Variants in ABCG1 observed in about 807,000 individuals in gnomAD.
The protein encoded by ABCG1 is ATP binding cassette subfamily G member 1.
In ABCG1, 29 loss-of-function variants were observed where a neutral mutation model predicts 69.2. That is an observed-to-expected ratio of 0.42 (90% CI 0.31 to 0.57). The LOEUF (loss-of-function observed/expected upper bound fraction) is 0.57, where lower values mean the gene tolerates loss of function less well. Among genes scored for constraint, ABCG1 ranks in the 20% least tolerant of loss-of-function variants. The pLI is 0.15. For synonymous variants in ABCG1, 370 were observed against 374.8 expected, an observed-to-expected ratio of 0.99 and a Z score of 0.15; for missense variants, 718 against 898.1, an observed-to-expected ratio of 0.80 and a Z score of 2.56.
intron 4 of ABCG1, among the ~76,000 whole-genome samples, chr21:42,274,190 G>A (rs1026457236): frequency 6.6e-6 from 1 of 152,180 alleles, no homozygotes; most frequent in Non-Finnish European, 1.5e-5. Context: ...ATATTGAAAG[G>A]GAAAATACAG....
chr21:42,248,553 A>T (rs1218702830), intron 2 of ABCG1, among the ~76,000 whole-genome samples: 1 of 152,158 alleles, frequency 6.6e-6, no homozygotes, highest in Admixed American at 6.5e-5. Flanking sequence ...GTTCATAACA[A>T]CAACAAGACT....
At chr21:42,270,321 G>T (rs1197827208) in intron 2 of ABCG1, among the ~76,000 whole-genome samples, 3 of 148,426 alleles carry the variant, frequency 2.0e-5, no homozygotes, top group Non-Finnish European at 4.4e-5. Context: ...GCATCCAGTT[G>T]CTTCTGTTTT....
chr21:42,201,780 G>T, intron 2 of ABCG1: 2 of 1,611,752 alleles, frequency 1.2e-6, no homozygotes, highest in Non-Finnish European at 1.7e-6. Flanking sequence ...TCCAGACTGG[G>T]CTTGTTTCAA....
intron 2 of ABCG1, chr21:42,206,885 T>C (rs544866944): frequency 7.3e-4 from 111 of 152,008 alleles, no homozygotes; most frequent in African/African-American, 2.5e-3. Context: ...TTTTTTTTTT[T>C]TTCTTTCAGG....
At chr21:42,234,917 C>A (rs1294326258) in intron 2 of ABCG1, among the ~76,000 whole-genome samples, 1 of 151,914 alleles carries the variant, frequency 6.6e-6, no homozygotes, top group Non-Finnish European at 1.5e-5. Context: ...TCGCTAGTAA[C>A]CTCCGCGGCG....
chr21:42,294,445 T>G, intron 13 of ABCG1, 97 bp from the exon 14 acceptor site: 1 of 927,224 alleles, frequency 1.1e-6, no homozygotes, highest in Non-Finnish European at 1.8e-6. Flanking sequence ...GAAGGTGCCC[T>G]GGCCCTGCCC....
chr21:42,284,545 C>T lies in ABCG1; in HGVS notation c.735-15C>T. 1.2e-6 allele frequency: 2 copies of T among 1,611,954 alleles called. No homozygotes were observed. The highest frequency in any genetic ancestry group is 1.3e-5 in the African/African-American group (1 of 75,068). On this transcript the variant is annotated splice_polypyrimidine_tract_variant and intron_variant, in intron 6 of 14. Transcript: ENST00000398449. The stretch of plus-strand genomic sequence containing the variant: ...TGCCGCCCGCAGGCGTCTCACGGTG[C>T]CTCTTGACTTGCAGCGGCCTGGACA...
At chr21:42,282,571 G>T (rs941574908) in intron 6 of ABCG1, 152 bp downstream of exon 6, 8 of 902,304 alleles carry the variant, frequency 8.9e-6, no homozygotes, top group Non-Finnish European at 1.3e-5. Context: ...GGACCACTGG[G>T]CAGAAGAGCT....
At chr21:42,220,261 C>G (rs2123497706) in intron 1 of ABCG1, among the ~76,000 whole-genome samples, 1 of 152,316 alleles carries the variant, frequency 6.6e-6, no homozygotes, top group Non-Finnish European at 1.5e-5. Flanking sequence ...GTAGTTACTA[C>G]CCTGATATTA....
intron 2 of ABCG1, among the ~76,000 whole-genome samples, chr21:42,261,516 G>A (rs937994172): frequency 1.1e-4 from 17 of 152,212 alleles, no homozygotes; most frequent in Non-Finnish European, 1.9e-4. Context: ...ATCCACAGGG[G>A]CCTGGGGGAA....
intron 13 of ABCG1, among the ~76,000 whole-genome samples, chr21:42,292,088 G>T (rs577507552): frequency 6.6e-6 from 1 of 152,188 alleles, no homozygotes; most frequent in East Asian, 1.9e-4. Flanking sequence ...CTCTCCATGG[G>T]CCCCTTCCTC....
chr21:42,273,218 C>A lies in ABCG1; in HGVS notation c.405-85C>A. 1 of 1,518,856 alleles carries A rather than the reference C, an allele frequency of 6.6e-7. No individual in the cohort carries two copies. Among genetic ancestry groups the A allele is most frequent in the Non-Finnish European group, 8.8e-7 (1 of 1,133,520 alleles). The allele number at this position is 1,518,856 out of a possible 1,614,324, so 94.1% of individuals were successfully genotyped here. ...GGGAAGATGCTGGGAGGCAAGCCCC[C>A]GTCTCTGGCTCCCCTCTCCTGCCCC... On this transcript the variant is annotated intron_variant, in intron 3 of 14. Transcript: ENST00000398449. The surrounding 1 kb of genome is among the most constrained non-coding windows in gnomAD (Gnocchi z 5.3).
chr21:42,277,428 A>T (rs2068730476), intron 5 of ABCG1, among the ~76,000 whole-genome samples: 1 of 152,122 alleles, frequency 6.6e-6, no homozygotes, highest in Non-Finnish European at 1.5e-5. Flanking sequence ...GAAAATAAAT[A>T]CGTTTCCAGG....
intron 6 of ABCG1, among the ~76,000 whole-genome samples, chr21:42,283,764 C>T (rs189594070): frequency 1.2e-3 from 69 of 55,510 alleles, no homozygotes; most frequent in African/African-American, 4.7e-3. Flanking sequence ...CCTGCCTGGA[C>T]AGTTGTGAAG....
At position 42,285,868 on chromosome 21, in the gene ABCG1, C is replaced by T; in HGVS notation, c.859-12C>T. The T allele has an allele frequency of 6.3e-7, 1 of 1,599,396 alleles. No individual in the cohort carries two copies. Among genetic ancestry groups the T allele is most frequent in the Non-Finnish European group, 8.6e-7 (1 of 1,167,070 alleles). On this transcript the variant is annotated splice_polypyrimidine_tract_variant and intron_variant, in intron 7 of 14. Coordinates refer to ENST00000398449, the MANE Select transcript of ABCG1 (RefSeq NM_016818.3). Reference sequence around the variant, plus strand: ...CAGGGCTTGATCCCTTTTTCTCCTTCCTTTTTTCCAGCTTTACGTCCTGAG... The same window carrying T: ...CAGGGCTTGATCCCTTTTTCTCCTTTCTTTTTTCCAGCTTTACGTCCTGAG...
At chr21:42,220,934 A>G (rs1453599672) in intron 1 of ABCG1, among the ~76,000 whole-genome samples, 2 of 152,196 alleles carry the variant, frequency 1.3e-5, no homozygotes, top group Non-Finnish European at 2.9e-5. Context: ...GGGTTTTCCT[A>G]TAATGGACAT....
At chr21:42,203,397 A>C (rs1223225736) in intron 2 of ABCG1, among the ~76,000 whole-genome samples, 1 of 151,990 alleles carries the variant, frequency 6.6e-6, no homozygotes, top group Non-Finnish European at 1.5e-5. Flanking sequence ...TTTCCTCCTA[A>C]TATTTTTTCC....
At chr21:42,269,388 G>A (rs1472306207) in intron 2 of ABCG1, among the ~76,000 whole-genome samples, 3 of 152,226 alleles carry the variant, frequency 2.0e-5, no homozygotes, top group African/African-American at 7.2e-5. Context: ...TGGCTCAGCA[G>A]AAGGGCTATT....
At chr21:42,267,205 G>A (rs1005517866) in intron 2 of ABCG1, among the ~76,000 whole-genome samples, 24 of 152,336 alleles carry the variant, frequency 1.6e-4, no homozygotes, top group East Asian at 1.5e-3. Flanking sequence ...CCCGCCTAGC[G>A]CTCTCGCGGG....
Sources: gnomAD v4.1 joint callset for allele counts (sites outside exome capture counted in the v4.1 genomes callset) on GRCh38, gnomAD v4.1.1 for gene constraint, Gnocchi (gnomAD v3.1) non-coding constraint, MANE v1.5 for transcripts, NCBI Gene and HGNC (gene_info 2026-07-23, HGNC 2026-07-21) for gene names.